The following ARID4A variants were observed in gnomAD, a reference collection of about 807,000 sequenced individuals.
ARID4A encodes AT-rich interactive domain-containing protein 4A.
In ARID4A, 39 loss-of-function variants were observed where a neutral mutation model predicts 148.6. The ratio of observed to expected loss-of-function variants is 0.26; its 90% confidence interval spans 0.20 to 0.34. ARID4A has a LOEUF of 0.34. ARID4A is among the 10% of genes least tolerant of loss of function. The probability of loss-of-function intolerance (pLI) is 1.00; values close to 1 mark genes in which losing one functional copy is unlikely to be tolerated. For synonymous variants in ARID4A, 475 were observed against 481.2 expected, an observed-to-expected ratio of 0.99 and a Z score of 0.17; for missense variants, 1,265 against 1,449.1, an observed-to-expected ratio of 0.87 and a Z score of 2.06.
chr14:58,313,569 G>A (rs2032199455), intron 5 of ARID4A, among the ~76,000 whole-genome samples: 1 of 152,174 alleles, frequency 6.6e-6, no homozygotes, highest in Non-Finnish European at 1.5e-5. Flanking sequence ...GCAGACCCCA[G>A]TATTAGAGAA....
intron 11 of ARID4A, chr14:58,331,417 G>A (rs1198780085): frequency 2.6e-5 from 4 of 152,234 alleles, no homozygotes; most frequent in African/African-American, 9.7e-5. Context: ...AAGAGGGAAA[G>A]CAAATATTTG....
intron 5 of ARID4A, among the ~76,000 whole-genome samples, chr14:58,311,062 A>G (rs2031991984): frequency 6.6e-6 from 1 of 152,110 alleles, no homozygotes; most frequent in Admixed American, 6.5e-5. Context: ...CCTGGCCAAC[A>G]TGGTGAAACC....
intron 11 of ARID4A, among the ~76,000 whole-genome samples, chr14:58,336,105 C>G (rs1778533230): frequency 6.6e-6 from 1 of 150,948 alleles, no homozygotes; most frequent in Non-Finnish European, 1.5e-5. Flanking sequence ...GGTTTTTATT[C>G]TTTTGGATTA....
At chr14:58,312,102 CA>C (rs2032083186) in intron 5 of ARID4A, among the ~76,000 whole-genome samples, 1 of 151,568 alleles carries the variant, frequency 6.6e-6, no homozygotes, top group East Asian at 1.9e-4. Context: ...TCACCACACA[CA>C]AAAAAATAAG....
chr14:58,359,125 T>C lies in ARID4A; in HGVS notation c.1854-7T>C. Reference sequence around the variant, plus strand: ...ACAAACTCTTTTTTTTTTTTTTTTTTTTTAAGGTATGATGAGTGGGTGAAG... The same window carrying C: ...ACAAACTCTTTTTTTTTTTTTTTTTCTTTAAGGTATGATGAGTGGGTGAAG... On this transcript the variant is annotated splice_region_variant and splice_polypyrimidine_tract_variant and intron_variant, in intron 17 of 23. Coordinates refer to ENST00000355431, the MANE Select transcript of ARID4A (RefSeq NM_002892.4). 1 of 1,562,792 alleles carries C rather than the reference T, an allele frequency of 6.4e-7. No individual in the cohort carries two copies.
At chr14:58,363,046 C>T (rs934886414) in intron 19 of ARID4A, among the ~76,000 whole-genome samples, 1 of 152,188 alleles carries the variant, frequency 6.6e-6, no homozygotes, top group Non-Finnish European at 1.5e-5. Flanking sequence ...GAAAGGTACC[C>T]TCTTAGAAGG....
Position 58,347,022 on chromosome 14 carries a change from T to C in ARID4A, c.1077T>C (p.Ile359=), listed in dbSNP as rs757418346. 7 of 1,440,256 alleles carry C rather than the reference T, an allele frequency of 4.9e-6. No homozygotes were observed. The East Asian group carries it at 1.8e-4, about 37-fold the overall frequency. The allele number at this position is 1,440,256 out of a possible 1,614,324, so 89.2% of individuals were successfully genotyped here. ...AACATAAAAACTTAATTTTCCAGAT[T>C]GATAGTGGTGCTGTATGGAAGCAAA... ...LVYHQGGCDN[I]DSGAVWKQIY... is the part of the protein sequence containing the mutation. Residue 359 remains isoleucine (I), a splice_region_variant and synonymous_variant, in exon 14 of 24, where the codon ATT becomes ATC. Coordinates refer to ENST00000355431, the MANE Select transcript of ARID4A (RefSeq NM_002892.4).
chr14:58,305,044 T>G, intron 4 of ARID4A, 35 bp downstream of exon 4: 1 of 1,509,900 alleles, frequency 6.6e-7, no homozygotes, highest in African/African-American at 1.4e-5. Flanking sequence ...TCTGAAATAA[T>G]CATAGATTTA....
intron 5 of ARID4A, among the ~76,000 whole-genome samples, chr14:58,310,715 ATTT>A (rs201340682): frequency 2.1e-5 from 3 of 140,858 alleles, no homozygotes; most frequent in Admixed American, 1.4e-4. Context: ...CCGGGCATTG[ATTT>A]TTTTTTTTTT....
chr14:58,333,766 G>C (rs1266832987), intron 11 of ARID4A, among the ~76,000 whole-genome samples: 2 of 152,170 alleles, frequency 1.3e-5, no homozygotes, highest in Admixed American at 1.3e-4. Flanking sequence ...AAAGGCATTT[G>C]TTGGTGGTCA....
At chr14:58,365,865 G>GT (rs1386378299) in intron 21 of ARID4A, among the ~76,000 whole-genome samples, 159 bp from the exon 22 acceptor site, 1 of 151,778 alleles carries the variant, frequency 6.6e-6, no homozygotes, top group Non-Finnish European at 1.5e-5. Context: ...GAGCATTTAG[G>GT]TTTTTTTGTT....
chr14:58,353,443 T>C (rs1244050358), intron 16 of ARID4A: 1 of 419,178 alleles, frequency 2.4e-6, no homozygotes, highest in East Asian at 3.6e-5. Context: ...TTAAAAAGTA[T>C]GGATTTACTT....
intron 9 of ARID4A, among the ~76,000 whole-genome samples, chr14:58,328,809 A>G (rs2033357478): frequency 6.6e-6 from 1 of 152,066 alleles, no homozygotes; most frequent in Non-Finnish European, 1.5e-5. Flanking sequence ...TCTGGCCAAC[A>G]TGGTGAAACC....
At chr14:58,340,362 T>C (rs1309724267) in intron 11 of ARID4A, among the ~76,000 whole-genome samples, 1 of 114,072 alleles carries the variant, frequency 8.8e-6, no homozygotes, top group Non-Finnish European at 1.9e-5. Context: ...GTTTTTTGGT[T>C]TTTTTGAGAC....
chr14:58,342,114 T>C (rs2140222091), intron 11 of ARID4A, among the ~76,000 whole-genome samples: 1 of 152,366 alleles, frequency 6.6e-6, no homozygotes, highest in East Asian at 1.9e-4. Context: ...CATATGCAGT[T>C]TTACTGCAAG....
intron 11 of ARID4A, among the ~76,000 whole-genome samples, chr14:58,335,995 T>C (rs2033795748): frequency 6.6e-6 from 1 of 152,048 alleles, no homozygotes; most frequent in Non-Finnish European, 1.5e-5. Flanking sequence ...CTGTTCTCTG[T>C]ACTGGATCTA....
chr14:58,352,379 G>C (rs572441423), intron 16 of ARID4A, among the ~76,000 whole-genome samples: 3 of 152,228 alleles, frequency 2.0e-5, no homozygotes, highest in African/African-American at 7.2e-5. Flanking sequence ...TGAGTATAGT[G>C]AGTATAGAAT....
At chr14:58,328,721 G>A (rs1276049826) in intron 9 of ARID4A, among the ~76,000 whole-genome samples, 10 of 152,022 alleles carry the variant, frequency 6.6e-5, no homozygotes, top group Non-Finnish European at 1.2e-4. Flanking sequence ...TGGGCCGGGC[G>A]CAGTTGCTGA....
chr14:58,301,794 C>G (rs879235688), intron 3 of ARID4A, 104 bp downstream of exon 3: 1 of 635,078 alleles, frequency 1.6e-6, no homozygotes, highest in African/African-American at 1.9e-5. Context: ...ATATGAAAAC[C>G]CTTTATATAC....
Sources: allele counts gnomAD v4.1 joint callset (sites outside exome capture counted in the v4.1 genomes callset), GRCh38; gene constraint gnomAD v4.1.1; transcripts MANE v1.5; gene names NCBI Gene and HGNC (gene_info 2026-07-23, HGNC 2026-07-21).